Variants in TMEM184B observed in about 807,000 individuals in gnomAD.
The protein encoded by TMEM184B is transmembrane protein 184B.
Under a neutral mutation model 41.8 loss-of-function variants are expected in TMEM184B, and 17 were observed. The ratio of observed to expected loss-of-function variants is 0.41; its 90% CI spans 0.28 to 0.61. The LOEUF (loss-of-function observed/expected upper bound fraction) is 0.61. TMEM184B is among the 20% of genes least tolerant of loss of function. The pLI is 0.34. For missense variants in TMEM184B, 393 were observed against 557.8 expected, an observed-to-expected ratio of 0.70 and a Z score of 2.98; for synonymous variants, 240 against 229.5, an observed-to-expected ratio of 1.05 and a Z score of -0.41.
At chr22:38,247,384 T>C (rs1413546165) in intron 2 of TMEM184B, among the ~76,000 whole-genome samples, 1 of 152,222 alleles carries the variant, frequency 6.6e-6, no homozygotes, top group Non-Finnish European at 1.5e-5. Context: ...AGGTGTCAGA[T>C]GGGCGAGGCT....
chr22:38,229,270 C>T (rs1234733823), intron 5 of TMEM184B, among the ~76,000 whole-genome samples: 4 of 152,256 alleles, frequency 2.6e-5, no homozygotes, highest in East Asian at 1.9e-4. Context: ...AGGAGACTAA[C>T]GCAAGGTCAT....
chr22:38,267,423 C>A (rs2092459144), intron 1 of TMEM184B, among the ~76,000 whole-genome samples: 1 of 151,894 alleles, frequency 6.6e-6, no homozygotes, highest in Non-Finnish European at 1.5e-5. Flanking sequence ...CTGTTCCAAC[C>A]ACCCCTAATA....
rs1015230020 is a variant in TMEM184B, at chr22:38,231,600, G to A, written c.359-266C>T. 1.2e-5 allele frequency: 7 copies of A among 593,428 alleles called. 1 individual carries two copies. Among genetic ancestry groups the A allele is most frequent in the East Asian group, 3.1e-5 (1 of 32,756 alleles). 36.8% of individuals were successfully genotyped at this position (593,428 alleles called of 1,614,324 possible). On this transcript the variant is annotated intron_variant, in intron 3 of 8. Coordinates refer to ENST00000361906, the MANE Select transcript of TMEM184B (RefSeq NM_012264.5). ...GGCGTAATACTATGAAGGGACTGTC[G>A]TGAGTTCAGGGTTATGTGGGGAGGC...
rs200937445 is a variant in TMEM184B at position 38,231,342 on chromosome 22, G to C, written c.359-8C>G. On this transcript the variant is annotated splice_region_variant and splice_polypyrimidine_tract_variant and intron_variant, in intron 3 of 8. Coordinates refer to ENST00000361906, the MANE Select transcript of TMEM184B (RefSeq NM_012264.5). ...AATTATAGATGACCAAGGCTGCGAA[G>C]AGAGTGTCCAGGAGAAACCAGTCAA... The C allele has an allele frequency of 1.2e-6, 2 of 1,612,480 alleles. No individual in the cohort carries two copies. Among genetic ancestry groups the C allele is most frequent in the East Asian group, 4.5e-5 (2 of 44,898 alleles).
rs1407481935 is a variant in TMEM184B, at chr22:38,221,217, C to T, written c.*252G>A. 2 of 1,360,162 alleles carry T rather than the reference C, an allele frequency of 1.5e-6. No homozygotes were observed. Among genetic ancestry groups the T allele is most frequent in the East Asian group, 2.9e-5 (1 of 34,622 alleles). 84.3% of individuals were successfully genotyped at this position (1,360,162 alleles called of 1,614,324 possible). On this transcript the variant is annotated 3_prime_UTR_variant, in exon 9 of 9. Transcript: ENST00000361906. ...ACAGGACGGGCAGCAGGGGCATAAG[C>T]CTTGCTCCCAGTGTCCTCTGCCCTC...
chr22:38,235,839 G>T (rs1335860896), intron 3 of TMEM184B, among the ~76,000 whole-genome samples: 2 of 152,354 alleles, frequency 1.3e-5, no homozygotes, highest in South Asian at 4.1e-4. Flanking sequence ...GATGTAAGAA[G>T]AGCGGAGAAG....
Position 38,220,771 on chromosome 22 carries a change from GC to G in TMEM184B, c.*697del. 1.0e-6 allele frequency: 1 copy of G among 986,248 alleles called. No homozygotes were observed. Among genetic ancestry groups the G allele is most frequent in the Non-Finnish European group, 1.2e-6 (1 of 830,240 alleles). 61.1% of individuals were successfully genotyped at this position (986,248 alleles called of 1,614,324 possible). On this transcript the variant is annotated 3_prime_UTR_variant, in exon 9 of 9. Transcript: ENST00000361906. ...GCCAGGGGGAAGGGGCATGAGGCAG[GC>G]AGAGGTGTGGCCACGACAGGTGGGG...
At chr22:38,234,212 TG>T (rs1030293475) in intron 3 of TMEM184B, among the ~76,000 whole-genome samples, 14 of 152,200 alleles carry the variant, frequency 9.2e-5, no homozygotes, top group Non-Finnish European at 1.6e-4. Context: ...ATGTAGGGGT[TG>T]GAAGAGGCCT....
intron 3 of TMEM184B, among the ~76,000 whole-genome samples, chr22:38,235,230 G>A (rs1488461974): frequency 6.6e-6 from 1 of 152,186 alleles, no homozygotes; most frequent in East Asian, 1.9e-4. Context: ...CCTCTCAGAG[G>A]CTGGCCCCAA....
At position 38,226,095 on chromosome 22, in the gene TMEM184B, T is replaced by A. The variant is rs2091429742; in HGVS notation, c.618-502A>T. 6.6e-6 allele frequency among the ~76,000 whole-genome samples: 1 copy of A among 150,906 alleles called. No homozygotes were observed. The highest frequency in any genetic ancestry group is 2.1e-4 in the South Asian group (1 of 4,776). On this transcript the variant is annotated intron_variant, in intron 6 of 8. Coordinates refer to ENST00000361906, the MANE Select transcript of TMEM184B (RefSeq NM_012264.5). This position sits in a 1 kb window ranked among gnomAD's most constrained non-coding sequence, Gnocchi z 4.6. ...TGGTCACTTTTTTTTTTTTTTTTTT[T>A]AGATATGGAGTTTTGTTCTTGTCAC...
rs1231676689 is a variant in TMEM184B at position 38,225,084 on chromosome 22, G to T, written c.788-105C>A. On this transcript the variant is annotated intron_variant, in intron 7 of 8. Coordinates refer to ENST00000361906, the MANE Select transcript of TMEM184B (RefSeq NM_012264.5). The surrounding 1 kb of genome is among the most constrained non-coding windows in gnomAD (Gnocchi z 4.4). ...TGCCCACATGCCCCAGTGAGGATGT[G>T]AGCAGGGCCACAGCTGCTCCTGCAG... is the stretch of plus-strand genomic sequence containing the variant. The T allele has an allele frequency of 2.3e-6, 3 of 1,294,994 alleles. No individual in the cohort carries two copies. The highest frequency in any genetic ancestry group is 3.1e-6 in the Non-Finnish European group (3 of 963,638). 80.2% of individuals were successfully genotyped at this position (1,294,994 alleles called of 1,614,324 possible). A position where few individuals can be genotyped will look rare whatever the true frequency, so the allele number is the denominator to read the frequency against.
rs908248832 is a variant in TMEM184B, at chr22:38,260,512, G to A, written c.-59+12372C>T. ...CCACTGCCGTGCTGTGAAATCCGCAGAACTCTGGAGCCTGACCACCTAGAC... is the reference window on the plus strand; with the variant it reads ...CCACTGCCGTGCTGTGAAATCCGCAAAACTCTGGAGCCTGACCACCTAGAC... On this transcript the variant is annotated intron_variant, in intron 1 of 8. Coordinates refer to ENST00000361906, the MANE Select transcript of TMEM184B (RefSeq NM_012264.5). Among the ~76,000 whole-genome samples the A allele has an allele frequency of 2.6e-5, 4 of 152,138 alleles. No individual in the cohort carries two copies. In the South Asian group the frequency reaches 8.3e-4, roughly 32 times the overall value.
At position 38,225,977 on chromosome 22, in the gene TMEM184B, CCT is replaced by C. The variant is rs1470115252; in HGVS notation, c.618-386_618-385del. 6.6e-6 allele frequency among the ~76,000 whole-genome samples: 1 copy of C among 151,912 alleles called. No individual in the cohort carries two copies. The highest frequency in any genetic ancestry group is 1.5e-5 in the Non-Finnish European group (1 of 68,052). ...CTTTTCACTCGGTCGGCTGCATCCC[CCT>C]GACCTCCTTTTGCCCACCTGCCCTG... On this transcript the variant is annotated intron_variant, in intron 6 of 8. Transcript: ENST00000361906. The surrounding 1 kb of genome is among the most constrained non-coding windows in gnomAD (Gnocchi z 4.4).
intron 1 of TMEM184B, among the ~76,000 whole-genome samples, chr22:38,252,783 T>C (rs1427940112): frequency 2.6e-5 from 4 of 152,144 alleles, no homozygotes; most frequent in Admixed American, 2.0e-4. Flanking sequence ...GTTTCTTCAT[T>C]ATAACATTTC....
intron 1 of TMEM184B, among the ~76,000 whole-genome samples, chr22:38,264,679 C>T (rs2092419366): frequency 6.6e-6 from 1 of 152,170 alleles, no homozygotes; most frequent in Admixed American, 6.5e-5. Flanking sequence ...CTGGAAGGCA[C>T]ACCGAGTATC....
At position 38,272,947 on chromosome 22, in the gene TMEM184B, G is replaced by A. The variant is rs1305396118; in HGVS notation, c.-122C>T. 1.3e-5 allele frequency: 6 copies of A among 446,350 alleles called. No individual in the cohort carries two copies. Among genetic ancestry groups the A allele is most frequent in the Non-Finnish European group, 1.8e-5 (6 of 337,890 alleles). The allele number at this position is 446,350 out of a possible 1,614,324, so 27.6% of individuals were successfully genotyped here. A position where few individuals can be genotyped will look rare whatever the true frequency, so the allele number is the denominator to read the frequency against. ...GCGCGGCAGCCGGACTCTGCGGGCGGGGCGGGCGGCGCCGCAGCCCCGGAG... is the reference window on the plus strand; with the variant it reads ...GCGCGGCAGCCGGACTCTGCGGGCGAGGCGGGCGGCGCCGCAGCCCCGGAG... On this transcript the variant is annotated 5_prime_UTR_variant, in exon 1 of 9. Transcript: ENST00000361906.
chr22:38,221,972 G>C lies in TMEM184B; in HGVS notation c.983-262C>G, dbSNP rs1340564861. On this transcript the variant is annotated intron_variant, in intron 8 of 8. Transcript: ENST00000361906. ...ACCCCCACTGGGAGCTGGGCTGGCTGCAGGGAAGGGACCCAGGGTGGAGAC... is the reference window on the plus strand; with the variant it reads ...ACCCCCACTGGGAGCTGGGCTGGCTCCAGGGAAGGGACCCAGGGTGGAGAC... 3 of 541,314 alleles carry C rather than the reference G, an allele frequency of 5.5e-6. No homozygotes were observed. The African/African-American group carries it at 5.7e-5, about 10-fold the overall frequency. 33.5% of individuals were successfully genotyped at this position (541,314 alleles called of 1,614,324 possible).
At chr22:38,240,809 T>C (rs2091890067) in intron 3 of TMEM184B, among the ~76,000 whole-genome samples, 1 of 151,010 alleles carries the variant, frequency 6.6e-6, no homozygotes, top group African/African-American at 2.4e-5. Context: ...ACAGCAGACT[T>C]TCCAGAAATT....
rs527303053 is a variant in TMEM184B at position 38,234,012 on chromosome 22, G to A, written c.359-2678C>T. On this transcript the variant is annotated intron_variant, in intron 3 of 8. Transcript: ENST00000361906. ...TTGAACTCCTGACCTCAGGTGATCC[G>A]CCCACCTCGGCCTCCCAAAGTGCTG... Among the ~76,000 whole-genome samples the A allele has an allele frequency of 5.0e-5, 6 of 120,184 alleles. No homozygotes were observed. In the South Asian group the frequency reaches 1.2e-3, roughly 25 times the overall value. 78.8% of individuals were successfully genotyped at this position (120,184 alleles called of 152,430 possible). A position where few individuals can be genotyped will look rare whatever the true frequency, so the allele number is the denominator to read the frequency against.
Sources: gnomAD v4.1 joint callset for allele counts (sites outside exome capture counted in the v4.1 genomes callset) on GRCh38, gnomAD v4.1.1 for gene constraint, Gnocchi (gnomAD v3.1) non-coding constraint, MANE v1.5 for transcripts, NCBI Gene and HGNC (gene_info 2026-07-23, HGNC 2026-07-21) for gene names.